HSD17B12: variants seen among roughly 807,000 people sequenced by gnomAD.
HSD17B12 encodes the protein hydroxysteroid 17-beta dehydrogenase 12.
In HSD17B12, 32 loss-of-function variants were observed where a neutral mutation model predicts 39.3. That is an observed-to-expected ratio of 0.81 (90% confidence interval 0.61 to 1.09). HSD17B12 has a LOEUF of 1.09. Ranked by LOEUF, HSD17B12 falls within the 50% of genes least tolerant of loss-of-function variation. The pLI is 0.00. For missense variants in HSD17B12, 342 were observed against 382.9 expected, an observed-to-expected ratio of 0.89 and a Z score of 0.89; for synonymous variants, 150 against 146.7, an observed-to-expected ratio of 1.02 and a Z score of -0.16.
At chr11:43,610,016 G>A in the HSD17B12 span, among the ~76,000 whole-genome samples, 4 of 152,108 alleles carry the variant, frequency 2.6e-5, no homozygotes, top group South Asian at 2.1e-4. Flanking sequence ...CTGTTAGGGC[G>A]GGATAAAATG....
In HSD17B12 at chr11:43,731,059, C is replaced by G. The variant is rs556202901; in HGVS notation, c.161-19852C>G. On this transcript the variant is annotated intron_variant, in intron 1 of 10. Transcript: ENST00000278353. ...TCACCCAGGCTGGAGTACAGTGGCA[C>G]GATCTTGGTTCACTGCAACCTCTGC... Among the ~76,000 whole-genome samples, 13 of 152,048 alleles carry G rather than the reference C, an allele frequency of 8.5e-5. 1 individual carries two copies. In the East Asian group the frequency reaches 2.1e-3, roughly 25 times the overall value.
chr11:43,717,687 G>A (rs1237760571), intron 1 of HSD17B12, among the ~76,000 whole-genome samples: 2 of 152,094 alleles, frequency 1.3e-5, no homozygotes, highest in African/African-American at 4.8e-5. Flanking sequence ...ACTAGACTAG[G>A]TTGAGCTTCC....
intron 3 of HSD17B12, among the ~76,000 whole-genome samples, chr11:43,778,040 C>A (rs1950726771): frequency 6.6e-6 from 1 of 152,094 alleles, no homozygotes. Context: ...ATTAATGAAT[C>A]CAGGAGCTGG....
chr11:43,761,722 T>G (rs1950556551), intron 3 of HSD17B12, among the ~76,000 whole-genome samples: 1 of 152,224 alleles, frequency 6.6e-6, no homozygotes, highest in African/African-American at 2.4e-5. Flanking sequence ...AACACCTACA[T>G]GTAGCCTCTC....
At chr11:43,697,688 C>T (rs1949924805) in intron 1 of HSD17B12, among the ~76,000 whole-genome samples, 1 of 152,100 alleles carries the variant, frequency 6.6e-6, no homozygotes, top group African/African-American at 2.4e-5. Flanking sequence ...GGACAGGGGA[C>T]TATTTCAAGC....
chr11:43,732,824 G>A (rs1950281878), intron 1 of HSD17B12, among the ~76,000 whole-genome samples: 3 of 152,158 alleles, frequency 2.0e-5, no homozygotes, highest in Admixed American at 1.3e-4. Flanking sequence ...CCAGGCTGAA[G>A]TGCAATGACA....
chr11:43,682,328 G>A (rs1397336227), intron 1 of HSD17B12, among the ~76,000 whole-genome samples: 1 of 152,132 alleles, frequency 6.6e-6, no homozygotes, highest in African/African-American at 2.4e-5. Flanking sequence ...CGAGGCGAGT[G>A]GATCACAAGG....
At position 43,682,498 on chromosome 11, in the gene HSD17B12, T is replaced by TGC. The variant is rs1480268741; in HGVS notation, c.160+1512_160+1513dup. On this transcript the variant is annotated intron_variant, in intron 1 of 10. Transcript: ENST00000278353. ...CGGAGTTTGCAGTGAGCCGAGATCA[T>TGC]GCCACTGCACTCCATCCAGCCTGGG... Among the ~76,000 whole-genome samples the TGC allele has an allele frequency of 2.3e-3, 268 of 117,644 alleles. 2 individuals carry two copies. The highest frequency in any genetic ancestry group is 8.6e-3 in the African/African-American group (253 of 29,540). 77.2% of individuals were successfully genotyped at this position (117,644 alleles called of 152,430 possible). A position where few individuals can be genotyped will look rare whatever the true frequency, so the allele number is the denominator to read the frequency against.
the HSD17B12 span, among the ~76,000 whole-genome samples, chr11:43,659,884 G>C: frequency 6.6e-6 from 1 of 152,220 alleles, no homozygotes; most frequent in East Asian, 1.9e-4. Flanking sequence ...TTATTAGTTC[G>C]AAAGTCTACC....
At chr11:43,567,887 A>G in the HSD17B12 span, among the ~76,000 whole-genome samples, 26 of 152,220 alleles carry the variant, frequency 1.7e-4, no homozygotes, top group African/African-American at 6.3e-4. Context: ...TGGCATCACC[A>G]TAGACTAATA....
chr11:43,847,900 A>G (rs1951492947), intron 9 of HSD17B12, among the ~76,000 whole-genome samples: 1 of 152,168 alleles, frequency 6.6e-6, no homozygotes, highest in South Asian at 2.1e-4. Flanking sequence ...ACAAATTGAG[A>G]TGAGAGAAAA....
At chr11:43,775,298 C>A (rs1950689190) in intron 3 of HSD17B12, among the ~76,000 whole-genome samples, 1 of 152,014 alleles carries the variant, frequency 6.6e-6, no homozygotes, top group South Asian at 2.1e-4. Flanking sequence ...ATATATTGTT[C>A]TAAACAGCCA....
chr11:43,810,100 C>T (rs1408068576), intron 4 of HSD17B12, among the ~76,000 whole-genome samples: 5 of 151,924 alleles, frequency 3.3e-5, no homozygotes, highest in Admixed American at 2.6e-4. Context: ...GGGGGTTACC[C>T]GTATCTGTTA....
chr11:43,749,639 T>C (rs2134937056), intron 1 of HSD17B12, among the ~76,000 whole-genome samples: 1 of 143,768 alleles, frequency 7.0e-6, no homozygotes, highest in African/African-American at 2.6e-5. Context: ...TTTTTTTTTC[T>C]TTTTTTTTTT....
the HSD17B12 span, among the ~76,000 whole-genome samples, chr11:43,591,160 C>T: frequency 6.6e-6 from 1 of 151,996 alleles, no homozygotes; most frequent in Non-Finnish European, 1.5e-5. Flanking sequence ...GGTAATGAAG[C>T]ACAGAAACTG....
At chr11:43,733,704 A>C in intron 1 of HSD17B12, 2 of 541,580 alleles carry the variant, frequency 3.7e-6, no homozygotes, top group Non-Finnish European at 3.5e-6. Flanking sequence ...TTTAGGGGGA[A>C]TTCATGTGGA....
At chr11:43,612,983 G>T in the HSD17B12 span, among the ~76,000 whole-genome samples, 1 of 152,236 alleles carries the variant, frequency 6.6e-6, no homozygotes, top group East Asian at 1.9e-4. Flanking sequence ...GGCCAGTGTA[G>T]CCTAAGTATA....
At chr11:43,605,063 CTT>C in the HSD17B12 span, among the ~76,000 whole-genome samples, 1 of 152,142 alleles carries the variant, frequency 6.6e-6, no homozygotes, top group Non-Finnish European at 1.5e-5. Flanking sequence ...CTTGGCCAGG[CTT>C]TCTGTGGTCA....
intron 1 of HSD17B12, among the ~76,000 whole-genome samples, chr11:43,724,703 AC>A (rs1157698935): frequency 6.6e-6 from 1 of 152,094 alleles, no homozygotes; most frequent in East Asian, 1.9e-4. Flanking sequence ...TCGTGATCCA[AC>A]CATCCACAAA....
Sources: allele counts gnomAD v4.1 joint callset (sites outside exome capture counted in the v4.1 genomes callset), GRCh38; gene constraint gnomAD v4.1.1; transcripts MANE v1.5; gene names NCBI Gene and HGNC (gene_info 2026-07-23, HGNC 2026-07-21).